The following ZSCAN30 variants were observed in gnomAD, a reference collection of about 807,000 sequenced individuals.
ZSCAN30 encodes the protein zinc finger and SCAN domain containing 30.
A neutral mutation model predicts 44.3 loss-of-function variants in ZSCAN30; 37 were observed. The observed-to-expected ratio is 0.84, with a 90% CI of 0.64 to 1.10. ZSCAN30 has a LOEUF of 1.10. Ranked by LOEUF, ZSCAN30 falls within the 50% of genes least tolerant of loss-of-function variation. The pLI, the probability that ZSCAN30 is intolerant of heterozygous loss-of-function variation, is 0.00. For synonymous variants in ZSCAN30, 181 were observed against 204.6 expected (o/e 0.88, Z 0.98); for missense variants, 549 against 582.6 (o/e 0.94, Z 0.59).
Position 35,252,052 on chromosome 18 carries a change from A to C in ZSCAN30, c.*1398T>G, listed in dbSNP as rs1035402739. On this transcript the variant is annotated 3_prime_UTR_variant, in exon 4 of 4. Coordinates refer to ENST00000333206, the MANE Select transcript of ZSCAN30 (RefSeq NM_001112734.4). The stretch of plus-strand genomic sequence containing the variant: ...GCCCATACAATGGCATGAAGATAAG[A>C]TAGGATCTGGAGACAGCCCATCATC... The C allele has an allele frequency of 6.6e-6, 1 of 152,206 alleles. No individual in the cohort carries two copies. Among genetic ancestry groups the C allele is most frequent in the Non-Finnish European group, 1.5e-5 (1 of 68,032 alleles). The allele number at this position is 152,206 out of a possible 1,614,324, so 9.4% of individuals were successfully genotyped here.
At position 35,274,161 on chromosome 18, in the gene ZSCAN30, G is replaced by A. The variant is rs556844600; in HGVS notation, c.-103-9706C>T. Among the ~76,000 whole-genome samples the A allele has an allele frequency of 7.2e-5, 11 of 152,114 alleles. No homozygotes were observed. In the South Asian group the frequency reaches 1.9e-3, roughly 26 times the overall value. On this transcript the variant is annotated intron_variant, in intron 1 of 3. Transcript: ENST00000333206. The stretch of plus-strand genomic sequence containing the variant: ...CTCCCAAGTAGCTGGGACTACGGGC[G>A]CCCGCCACCATGCCCAGCTAATTTT...
At chr18:35,254,432 G>A (rs376471754) in intron 3 of ZSCAN30, 51 bp from the exon 4 acceptor site, 3 of 1,612,714 alleles carry the variant, frequency 1.9e-6, no homozygotes, top group Middle Eastern at 1.6e-4. Context: ...CATGACAGAA[G>A]AAACTGTTGT....
intron 1 of ZSCAN30, chr18:35,267,922 A>C (rs1464735253): frequency 6.6e-6 from 1 of 152,106 alleles, no homozygotes; most frequent in Non-Finnish European, 1.5e-5. Flanking sequence ...GGAGCTGCGG[A>C]AGGGCTGGGG....
chr18:35,260,625 AT>A, intron 3 of ZSCAN30: 1 of 152,074 alleles, frequency 6.6e-6, no homozygotes, highest in East Asian at 1.9e-4. Context: ...ATGTTGAGCT[AT>A]TTTTTATATA....
chr18:35,254,359 T>G lies in ZSCAN30; in HGVS notation c.576A>C (p.Lys192Asn). Residue 192 changes from lysine (K) to asparagine (N), a missense_variant, in exon 4 of 4, where the codon AAA (lysine) becomes AAC (asparagine). Transcript: ENST00000333206. Reference protein sequence around the residue: ...QERDGRMVAGKVLMAKQEIVE... With the variant: ...QERDGRMVAGNVLMAKQEIVE... Reference sequence around the variant, plus strand: ...CAATTTCTTGCTTTGCCATCAACACTTTGCCAGCCACCATCCTGCCATCTA... The same window carrying G: ...CAATTTCTTGCTTTGCCATCAACACGTTGCCAGCCACCATCCTGCCATCTA... 6.2e-7 allele frequency: 1 copy of G among 1,613,890 alleles called. No individual in the cohort carries two copies. The highest frequency in any genetic ancestry group is 1.6e-4 in the Middle Eastern group (1 of 6,062).
At chr18:35,271,150 C>T (rs8094729) in intron 1 of ZSCAN30, among the ~76,000 whole-genome samples, 1 of 151,894 alleles carries the variant, frequency 6.6e-6, no homozygotes, top group African/African-American at 2.4e-5. Context: ...ACCCTCCGCA[C>T]TGTGGAAAAG....
rs759896702 is a variant in ZSCAN30, at chr18:35,264,324, T to C, written c.29A>G (p.Tyr10Cys). 1 of 1,613,870 alleles carries C rather than the reference T, an allele frequency of 6.2e-7. No homozygotes were observed. The highest frequency in any genetic ancestry group is 1.7e-5 in the Admixed American group (1 of 60,012). Residue 10 changes from tyrosine (Y) to cysteine (C), a missense_variant, in exon 2 of 4, where the codon TAC becomes TGC. Tyr to Cys is a radical substitution (Grantham distance 194). Transcript: ENST00000333206. MSGEATVLA[Y>C]HAPEEQEGLL... is the part of the protein sequence containing the mutation. ...TCCTTCCTGTTCTTCTGGAGCATGG[T>C]AGGCCAAGACTGTGGCCTCTCCTGA...
chr18:35,289,105 A>G (rs2044606418), intron 1 of ZSCAN30, among the ~76,000 whole-genome samples: 1 of 152,046 alleles, frequency 6.6e-6, no homozygotes, highest in African/African-American at 2.4e-5. Flanking sequence ...CCTCCCAAGT[A>G]GCTGGGATTA....
intron 3 of ZSCAN30, among the ~76,000 whole-genome samples, chr18:35,259,476 G>A (rs1023468353): frequency 4.6e-5 from 7 of 152,226 alleles, no homozygotes; most frequent in East Asian, 1.9e-4. Flanking sequence ...CACTGCACCC[G>A]GCCACAGATG....
chr18:35,265,014 C>T lies in ZSCAN30; in HGVS notation c.-103-559G>A, dbSNP rs542122694. Among the ~76,000 whole-genome samples, 304 of 152,044 alleles carry T rather than the reference C, an allele frequency of 2.0e-3. 3 individuals are homozygous for T. Among genetic ancestry groups the T allele is most frequent in the Non-Finnish European group, 3.5e-3 (240 of 67,970 alleles). On this transcript the variant is annotated intron_variant, in intron 1 of 3. Transcript: ENST00000333206. ...ACAAAAAATTAGCCGGGCGTGGTGG[C>T]GGGCGCCTATAGTCCCAGCTACTTG...
chr18:35,283,943 TGAAGAGGAGCTTTACTGAGAAGGA>T (rs1447586789), intron 1 of ZSCAN30: 1 of 152,288 alleles, frequency 6.6e-6, no homozygotes, highest in African/African-American at 2.4e-5. Flanking sequence ...CTGAGCAAAG[TGAAGAGGAGCTTTACTGAGAAGGA>T]GGAGCTTTAC....
At chr18:35,263,436 C>A in intron 3 of ZSCAN30, 77 bp downstream of exon 3, 1 of 1,574,724 alleles carries the variant, frequency 6.4e-7, no homozygotes, top group Admixed American at 1.7e-5. Context: ...AAGTGGCTGT[C>A]GTTAAGAAAA....
intron 1 of ZSCAN30, among the ~76,000 whole-genome samples, chr18:35,273,574 G>T (rs1289353846): frequency 6.6e-6 from 1 of 152,034 alleles, no homozygotes; most frequent in African/African-American, 2.4e-5. Flanking sequence ...TCATTCCATT[G>T]TATGTATCCG....
Position 35,274,187 on chromosome 18 carries a change from T to G in ZSCAN30, c.-103-9732A>C, listed in dbSNP as rs139817223. Among the ~76,000 whole-genome samples the G allele has an allele frequency of 6.1e-3, 933 of 152,214 alleles. 12 individuals are homozygous for G. Among genetic ancestry groups the G allele is most frequent in the African/African-American group, 0.021 (871 of 41,518 alleles). On this transcript the variant is annotated intron_variant, in intron 1 of 3. Coordinates refer to ENST00000333206, the MANE Select transcript of ZSCAN30 (RefSeq NM_001112734.4). Reference sequence around the variant, plus strand: ...CCCGCCACCATGCCCAGCTAATTTTTGGGGGCTTTTTTTTGCTTGTTTTTT... The same window carrying G: ...CCCGCCACCATGCCCAGCTAATTTTGGGGGGCTTTTTTTTGCTTGTTTTTT...
intron 1 of ZSCAN30, among the ~76,000 whole-genome samples, chr18:35,287,752 A>G (rs1425149152): frequency 6.6e-6 from 1 of 152,184 alleles, no homozygotes; most frequent in Non-Finnish European, 1.5e-5. Flanking sequence ...AGCATGATCC[A>G]TAAAAGAGCC....
At chr18:35,288,458 TGA>T (rs2044592093) in intron 1 of ZSCAN30, among the ~76,000 whole-genome samples, 2 of 151,996 alleles carry the variant, frequency 1.3e-5, no homozygotes, top group Admixed American at 6.5e-5. Flanking sequence ...ACATCTACCA[TGA>T]GAGAGGGGGA....
intron 3 of ZSCAN30, among the ~76,000 whole-genome samples, chr18:35,256,760 T>TTTG (rs369105451): frequency 2.0e-4 from 31 of 151,536 alleles, no homozygotes; most frequent in Middle Eastern, 3.4e-3. Flanking sequence ...CTCTTCTGTT[T>TTTG]TTGTTGTTGT....
chr18:35,272,167 G>C (rs897460384), intron 1 of ZSCAN30, among the ~76,000 whole-genome samples: 2 of 152,160 alleles, frequency 1.3e-5, no homozygotes, highest in African/African-American at 4.8e-5. Context: ...CTGCTAGCCC[G>C]TTGTCACCTC....
Position 35,253,813 on chromosome 18 carries a change from C to A in ZSCAN30, c.1122G>T (p.Arg374Ser), listed in dbSNP as rs377332852. ...TCTCTCCAGTGTGGATTCTCCGATG[C>A]CTGATGAGCTCTGAACTGCCCCTGA... ...KAFRGSSELI[R>S]HRRIHTGEKP... The change falls in exon 4 of 4, where the codon AGG becomes AGT. Residue 374 changes from arginine to serine, a missense_variant. Arg to Ser is a moderately radical substitution (Grantham distance 110). Transcript: ENST00000333206. 1.2e-5 allele frequency: 20 copies of A among 1,614,000 alleles called. No homozygotes were observed. Among genetic ancestry groups the A allele is most frequent in the Non-Finnish European group, 1.7e-5 (20 of 1,180,016 alleles).
Sources: allele counts gnomAD v4.1 joint callset (sites outside exome capture counted in the v4.1 genomes callset), GRCh38; gene constraint gnomAD v4.1.1; transcripts MANE v1.5; gene names NCBI Gene and HGNC (gene_info 2026-07-23, HGNC 2026-07-21).